Variants in CUBN observed in about 807,000 individuals in gnomAD.
CUBN encodes cubilin.
Under a neutral mutation model 405.3 loss-of-function variants are expected in CUBN, and 282 were observed. That is an observed-to-expected ratio of 0.70 (90% CI 0.63 to 0.77). CUBN has a LOEUF of 0.77. Ranked by LOEUF, CUBN falls within the 30% of genes least tolerant of loss-of-function variation. CUBN has a pLI of 0.00. For missense variants in CUBN, 4,514 were observed against 4,475.2 expected, an observed-to-expected ratio of 1.01 and a Z score of -0.25; for synonymous variants, 1,684 against 1,617.0, an observed-to-expected ratio of 1.04 and a Z score of -0.99.
chr10:17,110,901 A>T lies in CUBN; in HGVS notation c.1015+18T>A, dbSNP rs1325353660. ...CCTGTGCTGGGGTCAGGAGGTTGAC[A>T]TTGAACCGAGGCAGCACCTGGTGGA... On this transcript the variant is annotated intron_variant, in intron 9 of 66. Coordinates refer to ENST00000377833, the MANE Select transcript of CUBN (RefSeq NM_001081.4). The T allele has an allele frequency of 1.9e-6, 3 of 1,614,166 alleles. No individual in the cohort carries two copies. In the East Asian group the frequency reaches 6.7e-5, roughly 36 times the overall value.
intron 39 of CUBN, among the ~76,000 whole-genome samples, chr10:16,935,886 AAAAAAAAAAAG>A (rs1342358761): frequency 2.6e-5 from 4 of 151,082 alleles, no homozygotes; most frequent in Admixed American, 6.6e-5. Context: ...TCTCAAAAAA[AAAAAAAAAAAG>A]AAAAAAAAAA....
intron 60 of CUBN, among the ~76,000 whole-genome samples, chr10:16,847,346 G>A (rs1402034328): frequency 1.3e-5 from 2 of 152,004 alleles, no homozygotes; most frequent in Non-Finnish European, 2.9e-5. Context: ...CAGCTACTCA[G>A]GAGGCTGAGG....
chr10:16,933,433 C>A, intron 39 of CUBN, 149 bp from the exon 40 acceptor site: 2 of 705,670 alleles, frequency 2.8e-6, no homozygotes, highest in East Asian at 2.7e-5. Context: ...TCGTATGTAA[C>A]CCACTGATTC....
chr10:17,106,641 C>A (rs1836638936), intron 10 of CUBN, among the ~76,000 whole-genome samples: 3 of 150,922 alleles, frequency 2.0e-5, no homozygotes, highest in Non-Finnish European at 4.4e-5. Flanking sequence ...CTCTTATAAT[C>A]CCCACTTTAC....
In CUBN at chr10:16,906,222, A is replaced by G; in HGVS notation, c.7893T>C (p.Asp2631=). 1 of 1,613,556 alleles carries G rather than the reference A, an allele frequency of 6.2e-7. No individual in the cohort carries two copies. The highest frequency in any genetic ancestry group is 8.5e-7 in the Non-Finnish European group (1 of 1,179,400). The change falls in exon 50 of 67, where the codon GAT becomes GAC. Residue 2631 remains aspartate (D), a synonymous_variant. Transcript: ENST00000377833. Reference sequence around the variant, plus strand: ...ACTCACCCACTCGAAACTCGAGGACATCAAATTGACAGTCTTGGTGACTTT... The same window carrying G: ...ACTCACCCACTCGAAACTCGAGGACGTCAAATTGACAGTCTTGGTGACTTT... ...YLESHQDCQF[D]VLEFRVGDAD... is the part of the protein sequence containing the mutation.
chr10:17,033,081 A>G (rs1362883059), intron 27 of CUBN, among the ~76,000 whole-genome samples: 1 of 152,084 alleles, frequency 6.6e-6, no homozygotes, highest in Non-Finnish European at 1.5e-5. Flanking sequence ...TGGTAGCCAG[A>G]GTGATTGTTT....
intron 28 of CUBN, among the ~76,000 whole-genome samples, chr10:17,015,312 G>C (rs1183764868): frequency 6.6e-6 from 1 of 152,158 alleles, no homozygotes; most frequent in East Asian, 1.9e-4. Flanking sequence ...TCCTCAAGTA[G>C]GGGAAAACAA....
rs1840945731 is a variant in CUBN at position 16,889,938 on chromosome 10, A to AAAAAAAAAAAAAAACAAAAAAAAAC, written c.8755+432_8755+433insGTTTTTTTTTGTTTTTTTTTTTTTT. On this transcript the variant is annotated intron_variant, in intron 55 of 66. Coordinates refer to ENST00000377833, the MANE Select transcript of CUBN (RefSeq NM_001081.4). ...GCGACAGAGTGAGACGCCGTGTCAAAAAAAAAAAAAAAAAACAGGAAAGAC... is the reference window on the plus strand; with the variant it reads ...GCGACAGAGTGAGACGCCGTGTCAAAAAAAAAAAAAAAAACAAAAAAAAACAAAAAAAAAAAAAAACAGGAAAGAC... 7.0e-5 allele frequency among the ~76,000 whole-genome samples: 9 copies of AAAAAAAAAAAAAAACAAAAAAAAAC among 129,440 alleles called. 1 individual carries two copies. Among genetic ancestry groups the AAAAAAAAAAAAAAACAAAAAAAAAC allele is most frequent in the African/African-American group, 2.8e-4 (9 of 32,518 alleles). The allele number at this position is 129,440 out of a possible 152,430, so 84.9% of individuals were successfully genotyped here. A position where few individuals can be genotyped will look rare whatever the true frequency, so the allele number is the denominator to read the frequency against.
At chr10:17,080,328 G>T (rs1362288313) in intron 17 of CUBN, among the ~76,000 whole-genome samples, 1 of 146,478 alleles carries the variant, frequency 6.8e-6, no homozygotes, top group Non-Finnish European at 1.5e-5. Context: ...TGCCATAGAG[G>T]TCTAAAATAT....
chr10:16,960,505 C>CA (rs1396007609), intron 31 of CUBN, among the ~76,000 whole-genome samples: 1 of 151,838 alleles, frequency 6.6e-6, no homozygotes, highest in South Asian at 2.1e-4. Context: ...ACAAAACAAA[C>CA]AAAAAACCCC....
rs745529365 is a variant in CUBN, at chr10:16,940,248, G to GA, written c.5343-12dup. The GA allele has an allele frequency of 5.6e-6, 9 of 1,609,920 alleles. No individual in the cohort carries two copies. Among genetic ancestry groups the GA allele is most frequent in the Middle Eastern group, 1.7e-4 (1 of 5,972 alleles). Reference sequence around the variant, plus strand: ...TCCAACTGGAAAGATCTGATTTGGGGAAAAAAATATTTAAAGGGATTAAAT... The same window carrying GA: ...TCCAACTGGAAAGATCTGATTTGGGGAAAAAAAATATTTAAAGGGATTAAAT... On this transcript the variant is annotated splice_polypyrimidine_tract_variant and intron_variant, in intron 36 of 66. Coordinates refer to ENST00000377833, the MANE Select transcript of CUBN (RefSeq NM_001081.4).
intron 31 of CUBN, among the ~76,000 whole-genome samples, chr10:16,961,592 G>A (rs546243796): frequency 1.3e-5 from 2 of 151,982 alleles, no homozygotes; most frequent in Admixed American, 6.5e-5. Context: ...CAAGCAAAGG[G>A]AACTTTTTAA....
Position 16,917,847 on chromosome 10 carries a change from A to T in CUBN, c.7000+775T>A, listed in dbSNP as rs1564422974. On this transcript the variant is annotated intron_variant, in intron 45 of 66. Transcript: ENST00000377833. ...TTATTTTTAAAAAGTCATGGTTTTT[A>T]AAAAAGTTTTAACATATTCATTCTA... Among the ~76,000 whole-genome samples the T allele has an allele frequency of 2.0e-5, 3 of 152,188 alleles. No individual in the cohort carries two copies. In the East Asian group the frequency reaches 5.8e-4, roughly 29 times the overall value.
intron 28 of CUBN, among the ~76,000 whole-genome samples, chr10:17,007,343 C>T (rs1254296156): frequency 6.6e-6 from 1 of 152,064 alleles, no homozygotes; most frequent in East Asian, 1.9e-4. Flanking sequence ...CATAAAAGGC[C>T]CTGCAATGTT....
intron 39 of CUBN, among the ~76,000 whole-genome samples, chr10:16,935,362 A>G (rs996913795): frequency 6.6e-6 from 1 of 151,886 alleles, no homozygotes; most frequent in South Asian, 2.1e-4. Flanking sequence ...TCTGTTGCCC[A>G]GGCTGGTCTC....
In CUBN at chr10:16,997,211, C is replaced by A. The variant is rs113416420; in HGVS notation, c.4169-6696G>T. 6.6e-5 allele frequency among the ~76,000 whole-genome samples: 10 copies of A among 152,052 alleles called. No individual in the cohort carries two copies. The East Asian group carries it at 1.9e-3, about 29-fold the overall frequency. ...AGCACTTAGGGAGGCAAAGGCAGGC[C>A]GATCACAAGGTCTGGAGATCGAGAC... On this transcript the variant is annotated intron_variant, in intron 28 of 66. Coordinates refer to ENST00000377833, the MANE Select transcript of CUBN (RefSeq NM_001081.4).
intron 31 of CUBN, among the ~76,000 whole-genome samples, chr10:16,968,996 G>C (rs747581557): frequency 6.6e-6 from 1 of 152,188 alleles, no homozygotes; most frequent in Non-Finnish European, 1.5e-5. Flanking sequence ...AGCTCCCCTC[G>C]ATGCCATCAC....
chr10:16,967,335 T>C (rs1250843477), intron 31 of CUBN, among the ~76,000 whole-genome samples: 1 of 152,238 alleles, frequency 6.6e-6, no homozygotes, highest in East Asian at 1.9e-4. Flanking sequence ...CAAAGATTCC[T>C]GGAAATGTTG....
rs1478344551 is a variant in CUBN at position 16,915,062 on chromosome 10, A to G, written c.7321T>C (p.Phe2441Leu). The change falls in exon 47 of 67, where the codon TTC becomes CTC. Residue 2441 changes from phenylalanine to leucine, a missense_variant. By Grantham distance (22) the Phe-to-Leu change is conservative. Around this residue, in one of 5 missense-constraint regions of CUBN, gnomAD observed 1,613 missense variants for 1,542.8 expected, o/e 1.05. Coordinates refer to ENST00000377833, the MANE Select transcript of CUBN (RefSeq NM_001081.4). ...ATACTGGATTCAAATCGCAGTCTGAATCCTGAGGCAGTCACAGAGCCGTCT... is the reference window on the plus strand; with the variant it reads ...ATACTGGATTCAAATCGCAGTCTGAGTCCTGAGGCAGTCACAGAGCCGTCT... ...VTDGSVTASG[F>L]RLRFESSMEE... 2 of 1,613,968 alleles carry G rather than the reference A, an allele frequency of 1.2e-6. No homozygotes were observed. The highest frequency in any genetic ancestry group is 1.3e-5 in the African/African-American group (1 of 74,928).
Sources: gnomAD v4.1 joint callset for allele counts (sites outside exome capture counted in the v4.1 genomes callset) on GRCh38, gnomAD v4.1.1 for gene constraint, gnomAD v4.1.1 regional missense constraint, MANE v1.5 for transcripts, NCBI Gene and HGNC (gene_info 2026-07-23, HGNC 2026-07-21) for gene names.